ZSCAN12: variants seen among roughly 807,000 people sequenced by gnomAD.
The protein encoded by ZSCAN12 is zinc finger and SCAN domain-containing protein 12.
In ZSCAN12, 18 loss-of-function variants were observed where a neutral mutation model predicts 23.4. That is an observed-to-expected ratio of 0.77 (90% CI 0.53 to 1.14). The LOEUF (loss-of-function observed/expected upper bound fraction) is 1.14, where lower values mean the gene tolerates loss of function less well. Among genes scored for constraint, ZSCAN12 ranks in the 50% most tolerant of loss-of-function variants. The pLI, the probability that ZSCAN12 is intolerant of heterozygous loss-of-function variation, is 0.00. For missense variants in ZSCAN12, 650 were observed against 735.0 expected, an observed-to-expected ratio of 0.88 and a Z score of 1.34; for synonymous variants, 186 against 253.4, an observed-to-expected ratio of 0.73 and a Z score of 2.53.
In ZSCAN12 at chr6:28,386,921, G is replaced by A. The variant is rs1363542171; in HGVS notation, c.*3533C>T. ...CAGCTCACTGCAACCTCCACCTCCC[G>A]GATTCAAGCGATTCTCCTGCCTCAG... On this transcript the variant is annotated 3_prime_UTR_variant, in exon 4 of 4. Coordinates refer to ENST00000684592, the MANE Select transcript of ZSCAN12 (RefSeq NM_001163391.2). Among the ~76,000 whole-genome samples the A allele has an allele frequency of 2.6e-5, 4 of 152,098 alleles. No individual in the cohort carries two copies. Among genetic ancestry groups the A allele is most frequent in the African/African-American group, 9.7e-5 (4 of 41,426 alleles).
rs1760844721 is a variant in ZSCAN12, at chr6:28,391,639, C to T, written c.651G>A (p.Met217Ile). 1.3e-6 allele frequency: 2 copies of T among 1,551,914 alleles called. No homozygotes were observed. Among genetic ancestry groups the T allele is most frequent in the Non-Finnish European group, 1.7e-6 (2 of 1,147,116 alleles). Residue 217 changes from methionine (M) to isoleucine (I), a missense_variant, in exon 4 of 4, where the codon ATG becomes ATA. Coordinates refer to ENST00000684592, the MANE Select transcript of ZSCAN12 (RefSeq NM_001163391.2). This position sits in a 1 kb window ranked among gnomAD's most constrained non-coding sequence, Gnocchi z 4.1. The part of the protein sequence containing the change: ...GKTSSKFEND[M>I]SKSARCGETR... The stretch of plus-strand genomic sequence containing the variant: ...TTTCTCCACACCTAGCAGACTTGGA[C>T]ATATCATTTTCAAATTTACTGGATG...
At chr6:28,382,464 C>T (rs189889226), downstream of ZSCAN12, 2 of 1,546,798 alleles carry the variant, frequency 1.3e-6, no homozygotes, top group African/African-American at 1.4e-5. Context: ...TAGGCACAGC[C>T]TTCTTCCTTT....
rs1561957926 is a variant in ZSCAN12 at position 28,390,719 on chromosome 6, G to GGCCTCT, written c.1565_1570dup (p.Arg523_Pro524insGlnArg). The GGCCTCT allele has an allele frequency of 6.2e-7, 1 of 1,612,266 alleles. No homozygotes were observed. On this transcript the variant is annotated inframe_insertion, in exon 4 of 4. Transcript: ENST00000684592. The stretch of plus-strand genomic sequence containing the variant: ...ATTCCCACACTCATCACACTTGTAG[G>GGCCTCT]GCCTCTCTCCAGTGTGGATTCTCTG...
rs2232433 is a variant in ZSCAN12, at chr6:28,391,258, A to G, written c.1032T>C (p.Ala344=). ...TGTGAAGTCTCTGATGTTGGTTAAG[A>G]GCTGACCACCGGCCAAAGGCTTTGC... ...ECGKAFGRWS[A]LNQHQRLHTG... is the part of the protein sequence containing the mutation. Residue 344 remains alanine (A), a synonymous_variant, in exon 4 of 4, where the codon GCT becomes GCC. Coordinates refer to ENST00000684592, the MANE Select transcript of ZSCAN12 (RefSeq NM_001163391.2). This position sits in a 1 kb window ranked among gnomAD's most constrained non-coding sequence, Gnocchi z 4.1. 274 of 1,551,778 alleles carry G rather than the reference A, an allele frequency of 1.8e-4. 3 individuals carry two copies. The East Asian group carries it at 6.7e-3, about 38-fold the overall frequency.
At chr6:28,384,302 C>G (rs1263512733), downstream of ZSCAN12, among the ~76,000 whole-genome samples, 1 of 152,074 alleles carries the variant, frequency 6.6e-6, no homozygotes, top group Non-Finnish European at 1.5e-5. Context: ...AAGATATGCC[C>G]ACTAAGCTTG....
chr6:28,380,027 C>T (rs1760152931), downstream of ZSCAN12: 1 of 152,190 alleles, frequency 6.6e-6, no homozygotes, highest in African/African-American at 2.4e-5. Flanking sequence ...ATATAGACCC[C>T]TCTGGAAGGG....
downstream of ZSCAN12, chr6:28,382,753 A>G: frequency 1.5e-6 from 2 of 1,340,758 alleles, no homozygotes; most frequent in Admixed American, 3.0e-5. Flanking sequence ...AGTGACTGCA[A>G]ATTATTAGCT....
At position 28,398,228 on chromosome 6, in the gene ZSCAN12, G is replaced by C; in HGVS notation, c.178C>G (p.Pro60Ala). The change falls in exon 2 of 4, where the codon CCC (proline) becomes GCC (alanine). Residue 60 changes from proline to alanine, a missense_variant. Physicochemically the swap from Pro to Ala is conservative, Grantham distance 27 (BLOSUM62 -1). Coordinates refer to ENST00000684592, the MANE Select transcript of ZSCAN12 (RefSeq NM_001163391.2). ...CGGAGTCGGCTCAAAGCCTCACGGGGACCAGATGTCTCCTGGTAGCAGAAC... is the reference window on the plus strand; with the variant it reads ...CGGAGTCGGCTCAAAGCCTCACGGGCACCAGATGTCTCCTGGTAGCAGAAC... Reference protein sequence around the residue: ...RQFCYQETSGPREALSRLREL... With the variant: ...RQFCYQETSGAREALSRLREL... 2.5e-6 allele frequency: 4 copies of C among 1,614,102 alleles called. No homozygotes were observed. The South Asian group carries it at 3.3e-5, about 13-fold the overall frequency.
At position 28,390,673 on chromosome 6, in the gene ZSCAN12, G is replaced by A; in HGVS notation, c.1617C>T (p.Ser539=). 2 of 1,613,312 alleles carry A rather than the reference G, an allele frequency of 1.2e-6. No homozygotes were observed. Among genetic ancestry groups the A allele is most frequent in the South Asian group, 1.1e-5 (1 of 90,928 alleles). ...ECGNAFRGIT[S]LIQHQRIHTG... is the part of the protein sequence containing the mutation. ...TGTGGATTCTCTGATGCTGAATGAGGCTGGTGATTCCTCGGAAGGCATTCC... is the reference window on the plus strand; with the variant it reads ...TGTGGATTCTCTGATGCTGAATGAGACTGGTGATTCCTCGGAAGGCATTCC... Residue 539 remains serine (S), a synonymous_variant, in exon 4 of 4, where the codon AGC becomes AGT. Transcript: ENST00000684592.
At position 28,391,446 on chromosome 6, in the gene ZSCAN12, C is replaced by G; in HGVS notation, c.844G>C (p.Ala282Pro). ...ATGAGGTGTGAGTGCTGACTAAAAG[C>G]TTTTCCACAGTCATCACATCCGTAA... is the stretch of plus-strand genomic sequence containing the variant. ...ESYGCDDCGKAFSQHSHLIEH... is the reference protein window; with the variant it reads ...ESYGCDDCGKPFSQHSHLIEH... Residue 282 changes from alanine to proline, a missense_variant, in exon 4 of 4, where the codon GCT (alanine) becomes CCT (proline). By Grantham distance (27) the Ala-to-Pro change is conservative. Coordinates refer to ENST00000684592, the MANE Select transcript of ZSCAN12 (RefSeq NM_001163391.2). This position sits in a 1 kb window ranked among gnomAD's most constrained non-coding sequence, Gnocchi z 4.1. 1 of 1,551,864 alleles carries G rather than the reference C, an allele frequency of 6.4e-7. No homozygotes were observed. The highest frequency in any genetic ancestry group is 2.4e-5 in the East Asian group (1 of 40,920).
downstream of ZSCAN12, among the ~76,000 whole-genome samples, chr6:28,382,883 G>A (rs542311669): frequency 5.9e-4 from 89 of 151,600 alleles, no homozygotes; most frequent in Non-Finnish European, 1.0e-3. Context: ...GCAGAGATAA[G>A]AACATCAGAA....
At position 28,386,756 on chromosome 6, in the gene ZSCAN12, C is replaced by T. The variant is rs7764722; in HGVS notation, c.*3698G>A. Among the ~76,000 whole-genome samples, 53,826 of 152,124 alleles carry T rather than the reference C, an allele frequency of 0.35. 10,252 individuals are homozygous for T. The highest frequency in any genetic ancestry group is 0.5 in the African/African-American group (20,543 of 41,494). On this transcript the variant is annotated 3_prime_UTR_variant, in exon 4 of 4. Coordinates refer to ENST00000684592, the MANE Select transcript of ZSCAN12 (RefSeq NM_001163391.2). ...TACCTGGAAATTCCATGTCACTCCA[C>T]CTTTTTTTGGTACTACAACTGTATT...
chr6:28,391,776 C>A lies in ZSCAN12; in HGVS notation c.548-34G>T. On this transcript the variant is annotated intron_variant, in intron 3 of 3. Coordinates refer to ENST00000684592, the MANE Select transcript of ZSCAN12 (RefSeq NM_001163391.2). This position sits in a 1 kb window ranked among gnomAD's most constrained non-coding sequence, Gnocchi z 4.1. ...GGATCATAAATGTTACCTCTTTCTACCTTTAAAATGTATCCATACATTTTA... is the reference window on the plus strand; with the variant it reads ...GGATCATAAATGTTACCTCTTTCTAACTTTAAAATGTATCCATACATTTTA... The A allele has an allele frequency of 7.0e-7, 1 of 1,431,378 alleles. No homozygotes were observed. The highest frequency in any genetic ancestry group is 9.2e-7 in the Non-Finnish European group (1 of 1,085,994). 88.7% of individuals were successfully genotyped at this position (1,431,378 alleles called of 1,614,324 possible).
intron 1 of ZSCAN12, among the ~76,000 whole-genome samples, chr6:28,399,088 A>AAAT (rs770227723): frequency 1.3e-5 from 2 of 152,246 alleles, no homozygotes; most frequent in Non-Finnish European, 1.5e-5. Flanking sequence ...TAGATCAAGT[A>AAAT]AATAATAATA....
downstream of ZSCAN12, among the ~76,000 whole-genome samples, chr6:28,383,764 A>T (rs1056786782): frequency 6.6e-6 from 1 of 152,154 alleles, no homozygotes; most frequent in Non-Finnish European, 1.5e-5. Flanking sequence ...ACTGCTCATC[A>T]GTTCTCCAGC....
chr6:28,392,505 A>AT (rs567446822), intron 3 of ZSCAN12, among the ~76,000 whole-genome samples: 10 of 151,042 alleles, frequency 6.6e-5, no homozygotes, highest in South Asian at 2.1e-4. Flanking sequence ...AAGTATACAA[A>AT]TTTTTTTTTT....
At chr6:28,384,025 C>T (rs1232556787), downstream of ZSCAN12, among the ~76,000 whole-genome samples, 1 of 149,848 alleles carries the variant, frequency 6.7e-6, no homozygotes, top group Admixed American at 6.7e-5. Flanking sequence ...TTATCCTTGT[C>T]ATTTTACATA....
rs2232432 is a variant in ZSCAN12, at chr6:28,391,296, A to G, written c.994T>C (p.Cys332Arg). 9,297 of 1,552,016 alleles carry G rather than the reference A, an allele frequency of 6.0e-3. 76 individuals are homozygous for G. The highest frequency in any genetic ancestry group is 0.018 in the African/African-American group (1,294 of 73,146). Residue 332 changes from cysteine (C) to arginine (R), a missense_variant, in exon 4 of 4, where the codon TGT (cysteine) becomes CGT (arginine). Physicochemically the swap from Cys to Arg is radical, Grantham distance 180. Transcript: ENST00000684592. The surrounding 1 kb of genome is among the most constrained non-coding windows in gnomAD (Gnocchi z 4.1). ...CCAAAGGCTTTGCCACATTCATTAC[A>G]CTTATACGGTTTCTCTCCAGTGTGT... is the stretch of plus-strand genomic sequence containing the variant. The part of the protein sequence containing the change: ...IIHTGEKPYK[C>R]NECGKAFGRW...
At position 28,387,673 on chromosome 6, in the gene ZSCAN12, G is replaced by T. The variant is rs1270522870; in HGVS notation, c.*2781C>A. ...AATATGCAAAAACAGCAATCATGTA[G>T]TTTTAAAAACTAACTCTGGGATTAA... On this transcript the variant is annotated 3_prime_UTR_variant, in exon 4 of 4. Coordinates refer to ENST00000684592, the MANE Select transcript of ZSCAN12 (RefSeq NM_001163391.2). Among the ~76,000 whole-genome samples the T allele has an allele frequency of 1.3e-5, 2 of 152,182 alleles. No homozygotes were observed. Among genetic ancestry groups the T allele is most frequent in the South Asian group, 2.1e-4 (1 of 4,828 alleles).
Sources: gnomAD v4.1 joint callset for allele counts (sites outside exome capture counted in the v4.1 genomes callset) on GRCh38, gnomAD v4.1.1 for gene constraint, Gnocchi (gnomAD v3.1) non-coding constraint, MANE v1.5 for transcripts, NCBI Gene and HGNC (gene_info 2026-07-23, HGNC 2026-07-21) for gene names.